Variants in KICS2 observed in about 807,000 individuals in gnomAD.
KICS2 encodes KICSTOR subunit 2.
In KICS2, 13 loss-of-function variants were observed where a neutral mutation model predicts 31.4. That is an observed-to-expected ratio of 0.41 (90% CI 0.27 to 0.66). The LOEUF (loss-of-function observed/expected upper bound fraction) is 0.66. Among genes scored for constraint, KICS2 ranks in the 30% least tolerant of loss-of-function variants. The pLI, the probability that KICS2 is intolerant of heterozygous loss-of-function variation, is 0.28. For missense variants in KICS2, 455 were observed against 545.4 expected (o/e 0.83, Z 1.65); for synonymous variants, 209 against 214.8 (o/e 0.97, Z 0.24).
intron 2 of KICS2, among the ~76,000 whole-genome samples, chr12:64,208,938 T>C (rs1437439256): frequency 6.6e-6 from 1 of 152,104 alleles, no homozygotes. Context: ...CAATCTATCT[T>C]GCAAATTTGT....
chr12:64,190,731 A>G (rs1452118332), downstream of KICS2, among the ~76,000 whole-genome samples: 1 of 151,974 alleles, frequency 6.6e-6, no homozygotes, highest in Non-Finnish European at 1.5e-5. Context: ...CCTGGGCGAC[A>G]GACCTTGCCT....
intron 2 of KICS2, among the ~76,000 whole-genome samples, chr12:64,197,249 C>T (rs1179828979): frequency 6.8e-6 from 1 of 147,686 alleles, no homozygotes; most frequent in Non-Finnish European, 1.5e-5. Flanking sequence ...AACAGCGGAT[C>T]TCTCATCAGA....
intron 2 of KICS2, 152 bp from the exon 3 acceptor site, chr12:64,194,810 T>A: frequency 9.4e-7 from 1 of 1,065,946 alleles, no homozygotes. Context: ...GTTGATTTAT[T>A]TTAAAATTCT....
intron 1 of KICS2, chr12:64,221,707 A>G: frequency 2.0e-6 from 1 of 494,436 alleles, no homozygotes; most frequent in South Asian, 2.7e-5. Flanking sequence ...AGTTTGGTTA[A>G]CTTCTCATTT....
In KICS2 at chr12:64,222,190, C is replaced by T. The variant is rs768340479; in HGVS notation, c.48G>A (p.Ala16=). The change falls in exon 1 of 3, where the codon GCG becomes GCA. Residue 16 remains alanine, a synonymous_variant. Coordinates refer to ENST00000398055, the MANE Select transcript of KICS2 (RefSeq NM_152440.5). ...GGTGAGAGAAGAACGTCTCCAGCAC[C>T]GCCTGTTCCACCGGGACCGGGGCGG... is the stretch of plus-strand genomic sequence containing the variant. ...PLAAPVPVEQ[A]VLETFFSHLG... 1.9e-6 allele frequency: 3 copies of T among 1,614,090 alleles called. No homozygotes were observed. Among genetic ancestry groups the T allele is most frequent in the South Asian group, 2.2e-5 (2 of 91,086 alleles).
chr12:64,212,499 G>A lies in KICS2; in HGVS notation c.521+3179C>T, dbSNP rs2037591117. On this transcript the variant is annotated intron_variant, in intron 2 of 2. Coordinates refer to ENST00000398055, the MANE Select transcript of KICS2 (RefSeq NM_152440.5). ...AAGGTTCATCCATGTTGTTGCATGT[G>A]CCAGCACTTCATTCCTTTTTATTGC... Among the ~76,000 whole-genome samples the A allele has an allele frequency of 2.0e-5, 3 of 152,152 alleles. No individual in the cohort carries two copies. The South Asian group carries it at 6.2e-4, about 31-fold the overall frequency.
intron 2 of KICS2, among the ~76,000 whole-genome samples, chr12:64,211,470 T>C (rs1388988970): frequency 6.6e-6 from 1 of 151,954 alleles, no homozygotes; most frequent in Non-Finnish European, 1.5e-5. Context: ...ACAAAAAAAA[T>C]TAGCCAGGCG....
downstream of KICS2, chr12:64,186,714 C>T (rs1163741818): frequency 6.6e-6 from 1 of 152,104 alleles, no homozygotes; most frequent in Non-Finnish European, 1.5e-5. Context: ...TATTCACTGC[C>T]TACTTGTTAC....
At chr12:64,213,757 C>T (rs920635935) in intron 2 of KICS2, among the ~76,000 whole-genome samples, 2 of 152,214 alleles carry the variant, frequency 1.3e-5, no homozygotes, top group African/African-American at 4.8e-5. Context: ...CTGCTAGCAA[C>T]TCACACTCAA....
At chr12:64,196,564 C>T (rs2037441494) in intron 2 of KICS2, among the ~76,000 whole-genome samples, 1 of 151,862 alleles carries the variant, frequency 6.6e-6, no homozygotes, top group Admixed American at 6.6e-5. Context: ...CAAAGGAACA[C>T]AGTTCCTCAC....
chr12:64,212,514 C>T lies in KICS2; in HGVS notation c.521+3164G>A, dbSNP rs532008692. Among the ~76,000 whole-genome samples the T allele has an allele frequency of 2.6e-5, 4 of 152,294 alleles. No individual in the cohort carries two copies. The East Asian group carries it at 7.7e-4, about 29-fold the overall frequency. On this transcript the variant is annotated intron_variant, in intron 2 of 2. Coordinates refer to ENST00000398055, the MANE Select transcript of KICS2 (RefSeq NM_152440.5). ...TGTTGCATGTGCCAGCACTTCATTC[C>T]TTTTTATTGCTGAATAATATTCCAT...
chr12:64,215,022 T>G (rs2037614993), intron 2 of KICS2, among the ~76,000 whole-genome samples: 1 of 152,046 alleles, frequency 6.6e-6, no homozygotes, highest in African/African-American at 2.4e-5. Flanking sequence ...CACATTATTT[T>G]CAGCCAGGTG....
intron 1 of KICS2, 58 bp downstream of exon 1, chr12:64,221,945 G>A: frequency 6.5e-7 from 1 of 1,530,928 alleles, no homozygotes; most frequent in Non-Finnish European, 8.8e-7. Context: ...ACTGCCGACT[G>A]GGGAATATAC....
At chr12:64,204,078 C>T (rs995119653) in intron 2 of KICS2, among the ~76,000 whole-genome samples, 10 of 152,236 alleles carry the variant, frequency 6.6e-5, no homozygotes, top group Admixed American at 5.9e-4. Flanking sequence ...AAGCTGTAAG[C>T]CATTATCCTC....
At chr12:64,197,766 C>A (rs1189627866) in intron 2 of KICS2, among the ~76,000 whole-genome samples, 1 of 148,924 alleles carries the variant, frequency 6.7e-6, no homozygotes, top group Non-Finnish European at 1.5e-5. Context: ...ATCTACCAAG[C>A]AAATGGAAAA....
chr12:64,191,721 A>C lies in KICS2; in HGVS notation c.*2121T>G, dbSNP rs2037380027. ...CTGAGTGAATAAAATGCAGAGGTAA[A>C]TCACTACTTTCTATTTAAAGCAAAC... On this transcript the variant is annotated 3_prime_UTR_variant, in exon 3 of 3. Coordinates refer to ENST00000398055, the MANE Select transcript of KICS2 (RefSeq NM_152440.5). 1 of 152,166 alleles carries C rather than the reference A, an allele frequency of 6.6e-6. No individual in the cohort carries two copies. Among genetic ancestry groups the C allele is most frequent in the African/African-American group, 2.4e-5 (1 of 41,440 alleles). 9.4% of individuals were successfully genotyped at this position (152,166 alleles called of 1,614,324 possible). A position where few individuals can be genotyped will look rare whatever the true frequency, so the allele number is the denominator to read the frequency against.
Position 64,191,276 on chromosome 12 carries a change from T to TC in KICS2, c.*2565dup, listed in dbSNP as rs1378918329. Reference sequence around the variant, plus strand: ...TCAATATTCAATCTTCAAAAACTCTTCCAGTACAGTCTATGACAGCTGCAC... The same window carrying TC: ...TCAATATTCAATCTTCAAAAACTCTTCCCAGTACAGTCTATGACAGCTGCAC... On this transcript the variant is annotated 3_prime_UTR_variant, in exon 3 of 3. Coordinates refer to ENST00000398055, the MANE Select transcript of KICS2 (RefSeq NM_152440.5). 6.6e-6 allele frequency: 1 copy of TC among 152,212 alleles called. No individual in the cohort carries two copies. Among genetic ancestry groups the TC allele is most frequent in the East Asian group, 1.9e-4 (1 of 5,202 alleles). 9.4% of individuals were successfully genotyped at this position (152,212 alleles called of 1,614,324 possible).
chr12:64,206,051 TG>T (rs1315722708), intron 2 of KICS2, among the ~76,000 whole-genome samples: 3 of 152,162 alleles, frequency 2.0e-5, no homozygotes, highest in Non-Finnish European at 4.4e-5. Context: ...ACTTAGCAGC[TG>T]GGACTACGGG....
chr12:64,195,801 G>A (rs1398138858), intron 2 of KICS2, among the ~76,000 whole-genome samples: 3 of 152,278 alleles, frequency 2.0e-5, no homozygotes, highest in Non-Finnish European at 2.9e-5. Flanking sequence ...AGCGCAAGGG[G>A]TCAGGGAGTT....
Sources: gnomAD v4.1 joint callset for allele counts (sites outside exome capture counted in the v4.1 genomes callset) on GRCh38, gnomAD v4.1.1 for gene constraint, MANE v1.5 for transcripts, NCBI Gene and HGNC (gene_info 2026-07-23, HGNC 2026-07-21) for gene names.